Variants in FSTL4 observed in about 807,000 individuals in gnomAD.
FSTL4 encodes follistatin like 4.
Under a neutral mutation model 78.2 loss-of-function variants are expected in FSTL4, and 28 were observed. The ratio of observed to expected loss-of-function variants is 0.36; its 90% confidence interval spans 0.27 to 0.49. The LOEUF (loss-of-function observed/expected upper bound fraction) is 0.49. Among genes scored for constraint, FSTL4 ranks in the 20% least tolerant of loss-of-function variants. FSTL4 has a pLI of 0.98. For missense variants in FSTL4, 922 were observed against 1,084.9 expected (o/e 0.85, Z 2.11); for synonymous variants, 422 against 440.5 (o/e 0.96, Z 0.53).
At chr5:133,395,798 C>G (rs561797892) in intron 4 of FSTL4, among the ~76,000 whole-genome samples, 1 of 152,182 alleles carries the variant, frequency 6.6e-6, no homozygotes, top group Non-Finnish European at 1.5e-5. Context: ...TGAAGGTCCC[C>G]TCTCCTCCAG....
intron 3 of FSTL4, among the ~76,000 whole-genome samples, chr5:133,428,281 A>G (rs1756868595): frequency 6.6e-6 from 1 of 152,174 alleles, no homozygotes; most frequent in Non-Finnish European, 1.5e-5. Context: ...CATACGCATC[A>G]TGGCAGAAGT....
chr5:133,621,136 C>T, the FSTL4 span, among the ~76,000 whole-genome samples: 1 of 152,172 alleles, frequency 6.6e-6, no homozygotes, highest in Non-Finnish European at 1.5e-5. Context: ...CTTGGTGGCT[C>T]ATGCCTGTAA....
chr5:133,390,960 G>T (rs1045927249), intron 4 of FSTL4, among the ~76,000 whole-genome samples: 3 of 152,146 alleles, frequency 2.0e-5, no homozygotes, highest in African/African-American at 2.4e-5. Context: ...CTCAATTCTT[G>T]TACCCACTGT....
chr5:133,772,663 C>G, the FSTL4 span, among the ~76,000 whole-genome samples: 1 of 152,090 alleles, frequency 6.6e-6, no homozygotes, highest in Non-Finnish European at 1.5e-5. Context: ...AACACATGTG[C>G]ACGAGAGAGC....
intron 4 of FSTL4, among the ~76,000 whole-genome samples, chr5:133,350,248 C>T (rs1270520513): frequency 6.6e-6 from 1 of 152,250 alleles, no homozygotes; most frequent in African/African-American, 2.4e-5. Flanking sequence ...ATGGGATGGA[C>T]TATATGTTCT....
intron 2 of FSTL4, among the ~76,000 whole-genome samples, chr5:133,594,805 T>C (rs1760708301): frequency 6.6e-6 from 1 of 152,258 alleles, no homozygotes; most frequent in African/African-American, 2.4e-5. Flanking sequence ...GAAAAAGAGT[T>C]CTGTTCTCTT....
intron 3 of FSTL4, among the ~76,000 whole-genome samples, chr5:133,443,401 G>C (rs2127004584): frequency 6.6e-6 from 1 of 152,334 alleles, no homozygotes; most frequent in East Asian, 1.9e-4. Context: ...ACACTCTCTA[G>C]TGTTGGCGCA....
rs140556802 is a variant in FSTL4 at position 133,377,229 on chromosome 5, A to G, written c.409+23509T>C. ...GACTCTACTGCTGGTGTGACAGGGC[A>G]GTAACACTGGGACCCGAAGTTCCCT... On this transcript the variant is annotated intron_variant, in intron 4 of 15. Transcript: ENST00000265342. Among the ~76,000 whole-genome samples the G allele has an allele frequency of 3.9e-4, 59 of 152,362 alleles. No individual in the cohort carries two copies. The East Asian group carries it at 4.1e-3, about 10-fold the overall frequency.
intron 3 of FSTL4, among the ~76,000 whole-genome samples, chr5:133,523,758 G>A (rs1050026132): frequency 2.6e-5 from 4 of 152,132 alleles, no homozygotes; most frequent in African/African-American, 9.7e-5. Context: ...CAGCAGTCCA[G>A]GGACCTAATA....
At chr5:133,386,050 T>C (rs1275698314) in intron 4 of FSTL4, among the ~76,000 whole-genome samples, 1 of 152,220 alleles carries the variant, frequency 6.6e-6, no homozygotes, top group Non-Finnish European at 1.5e-5. Context: ...TGAGTGGTGT[T>C]GGGCAAGTCA....
intron 6 of FSTL4, among the ~76,000 whole-genome samples, chr5:133,296,487 C>G (rs12187297): frequency 0.03 from 4,599 of 152,258 alleles, 88 homozygotes; most frequent in Non-Finnish European, 0.048. Context: ...CTTCCAGGGG[C>G]CCCCAGGACC....
At chr5:133,491,871 T>C (rs2112868831) in intron 3 of FSTL4, among the ~76,000 whole-genome samples, 1 of 152,326 alleles carries the variant, frequency 6.6e-6, no homozygotes, top group East Asian at 1.9e-4. Flanking sequence ...CTAAAACATA[T>C]TACTGATATA....
chr5:133,469,018 G>A (rs140869901), intron 3 of FSTL4, among the ~76,000 whole-genome samples: 1 of 152,160 alleles, frequency 6.6e-6, no homozygotes, highest in African/African-American at 2.4e-5. Context: ...ACTCTTAATT[G>A]CAAAAACCAC....
chr5:133,547,176 T>C (rs966007928), intron 3 of FSTL4, among the ~76,000 whole-genome samples: 2 of 152,186 alleles, frequency 1.3e-5, no homozygotes, highest in African/African-American at 4.8e-5. Flanking sequence ...CTTAATGTTG[T>C]TCCCTGTAGG....
chr5:133,787,143 C>T, the FSTL4 span, among the ~76,000 whole-genome samples: 2 of 152,100 alleles, frequency 1.3e-5, no homozygotes, highest in Non-Finnish European at 2.9e-5. Flanking sequence ...GGTAAAGTTG[C>T]CAGATTTCAT....
intron 3 of FSTL4, among the ~76,000 whole-genome samples, chr5:133,563,207 C>T (rs571013754): frequency 6.6e-6 from 1 of 152,286 alleles, no homozygotes; most frequent in Admixed American, 6.5e-5. Context: ...CTATCAGTCT[C>T]GTAGTCCTGC....
At chr5:133,590,590 T>G (rs534935676) in intron 2 of FSTL4, among the ~76,000 whole-genome samples, 27 of 152,196 alleles carry the variant, frequency 1.8e-4, no homozygotes, top group African/African-American at 6.5e-4. Context: ...TGATTCCAGC[T>G]AAACCTCAAA....
In FSTL4 at chr5:133,343,763, C is replaced by T. The variant is rs80108907; in HGVS notation, c.410-27111G>A. Among the ~76,000 whole-genome samples, 238 of 152,274 alleles carry T rather than the reference C, an allele frequency of 1.6e-3. 1 individual carries two copies. Among genetic ancestry groups the T allele is most frequent in the African/African-American group, 5.4e-3 (223 of 41,544 alleles). ...CTGTATTGTCATTCTGTGAGCAACA[C>T]CACTTGAATTCAATTGCTAGATTTT... On this transcript the variant is annotated intron_variant, in intron 4 of 15. Coordinates refer to ENST00000265342, the MANE Select transcript of FSTL4 (RefSeq NM_015082.2).
Position 133,225,657 on chromosome 5 carries a change from C to A in FSTL4, c.1177+1G>T, listed in dbSNP as rs780611397. The stretch of plus-strand genomic sequence containing the variant: ...AGACGTCTACCAAGGGCAGTTCTTA[C>A]CTAAAAGGGAGAGCTGTTTGGACAT... On this transcript the variant is annotated splice_donor_variant, in intron 9 of 15. Transcript: ENST00000265342. LOFTEE classifies it high-confidence loss of function. This position sits in a 1 kb window ranked among gnomAD's most constrained non-coding sequence, Gnocchi z 4.6. The A allele has an allele frequency of 6.3e-7, 1 of 1,583,776 alleles. No homozygotes were observed. Among genetic ancestry groups the A allele is most frequent in the South Asian group, 1.2e-5 (1 of 85,400 alleles).
Sources: allele counts gnomAD v4.1 joint callset (sites outside exome capture counted in the v4.1 genomes callset), GRCh38; gene constraint gnomAD v4.1.1; non-coding constraint Gnocchi (gnomAD v3.1); transcripts MANE v1.5; gene names NCBI Gene and HGNC (gene_info 2026-07-23, HGNC 2026-07-21).